Variants in CSMD1 observed in about 807,000 individuals in gnomAD.
CSMD1 encodes the protein CUB and sushi domain-containing protein 1.
Under a neutral mutation model 417.5 loss-of-function variants are expected in CSMD1, and 213 were observed. The observed-to-expected ratio is 0.51, with a 90% confidence interval of 0.46 to 0.57. The LOEUF (loss-of-function observed/expected upper bound fraction) is 0.57, where lower values mean the gene tolerates loss of function less well. Among genes scored for constraint, CSMD1 ranks in the 20% least tolerant of loss-of-function variants. The probability of loss-of-function intolerance (pLI) is 0.00; values close to 1 mark genes in which losing one functional copy is unlikely to be tolerated. For missense variants in CSMD1, 6,923 were observed against 4,529.7 expected, an observed-to-expected ratio of 1.53 and a Z score of -15.17; for synonymous variants, 2,862 against 1,736.8, an observed-to-expected ratio of 1.65 and a Z score of -16.11.
chr8:4,086,144 G>C (rs1800407294), intron 3 of CSMD1, among the ~76,000 whole-genome samples: 1 of 152,032 alleles, frequency 6.6e-6, no homozygotes, highest in Non-Finnish European at 1.5e-5. Flanking sequence ...CATTTAAGTT[G>C]CAATTTTTTT....
chr8:3,475,325 G>A (rs918433011), intron 11 of CSMD1, among the ~76,000 whole-genome samples: 35 of 152,030 alleles, frequency 2.3e-4, no homozygotes, highest in African/African-American at 6.8e-4. Flanking sequence ...TTTATCCCTA[G>A]TCTCTAGTAA....
At chr8:4,501,070 T>C (rs1427641980) in intron 2 of CSMD1, among the ~76,000 whole-genome samples, 1 of 152,002 alleles carries the variant, frequency 6.6e-6, no homozygotes, top group East Asian at 1.9e-4. Flanking sequence ...CCAAAAAAGA[T>C]ATAATAACAA....
At chr8:4,014,227 GA>G (rs1381777908) in intron 4 of CSMD1, among the ~76,000 whole-genome samples, 1 of 152,120 alleles carries the variant, frequency 6.6e-6, no homozygotes, top group East Asian at 1.9e-4. Flanking sequence ...CTTTCCTTAG[GA>G]AAAAAATCTA....
chr8:4,407,244 T>C (rs577758295), intron 3 of CSMD1, among the ~76,000 whole-genome samples: 12 of 152,196 alleles, frequency 7.9e-5, no homozygotes, highest in Non-Finnish European at 1.5e-4. Context: ...AGGATGTCAA[T>C]GGAATGTTTA....
chr8:4,409,880 C>A (rs1157489271), intron 3 of CSMD1, among the ~76,000 whole-genome samples: 3 of 152,016 alleles, frequency 2.0e-5, no homozygotes, highest in African/African-American at 7.2e-5. Flanking sequence ...ATGGTGCAAT[C>A]TTGGCTCACT....
chr8:4,793,297 T>C (rs1197328007), intron 1 of CSMD1, among the ~76,000 whole-genome samples: 1 of 152,140 alleles, frequency 6.6e-6, no homozygotes, highest in Non-Finnish European at 1.5e-5. Flanking sequence ...ATAGAACCTA[T>C]TCTCTCAAAT....
intron 26 of CSMD1, among the ~76,000 whole-genome samples, chr8:3,243,971 C>A (rs1037763897): frequency 1.3e-5 from 2 of 152,068 alleles, no homozygotes; most frequent in Non-Finnish European, 2.9e-5. Flanking sequence ...CATAGAAGTA[C>A]GTTTGCTTAG....
intron 2 of CSMD1, among the ~76,000 whole-genome samples, chr8:4,630,964 CAT>C (rs1394950855): frequency 2.6e-5 from 4 of 152,170 alleles, no homozygotes; most frequent in African/African-American, 4.8e-5. Flanking sequence ...GAAGTCAAAA[CAT>C]GTGTGGTGTT....
chr8:4,265,255 T>G (rs1437694109), intron 3 of CSMD1, among the ~76,000 whole-genome samples: 1 of 152,102 alleles, frequency 6.6e-6, no homozygotes. Flanking sequence ...ATGCTATATT[T>G]TATGGAATAG....
intron 3 of CSMD1, among the ~76,000 whole-genome samples, chr8:4,382,788 G>C (rs754193091): frequency 6.6e-6 from 1 of 152,078 alleles, no homozygotes; most frequent in African/African-American, 2.4e-5. Flanking sequence ...AATAATGATG[G>C]CCCCTCAGTG....
intron 3 of CSMD1, among the ~76,000 whole-genome samples, chr8:4,217,577 G>C (rs898804113): frequency 7.9e-5 from 12 of 151,896 alleles, no homozygotes; most frequent in Admixed American, 5.9e-4. Flanking sequence ...AAAGGTGTGA[G>C]CTTGAAGGGA....
intron 5 of CSMD1, among the ~76,000 whole-genome samples, chr8:3,789,182 G>C (rs921619643): frequency 6.6e-6 from 1 of 152,090 alleles, no homozygotes; most frequent in Non-Finnish European, 1.5e-5. Context: ...CACTATGTGA[G>C]GATCCAACAT....
At chr8:4,140,748 C>G (rs1355475375) in intron 3 of CSMD1, among the ~76,000 whole-genome samples, 1 of 150,882 alleles carries the variant, frequency 6.6e-6, no homozygotes, top group Non-Finnish European at 1.5e-5. Context: ...CTCTAAGTAT[C>G]TTCATCTCCT....
At chr8:4,306,228 A>C (rs894746515) in intron 3 of CSMD1, among the ~76,000 whole-genome samples, 1 of 152,188 alleles carries the variant, frequency 6.6e-6, no homozygotes, top group Non-Finnish European at 1.5e-5. Flanking sequence ...TTCTTCCAAA[A>C]TATCACGACA....
Position 3,272,521 on chromosome 8 carries a change from C to T in CSMD1, c.4153+11623G>A, listed in dbSNP as rs187873804. ...CATTGAATCTGTAAATTACTTTGGG[C>T]AGTATGGCCATTTTCACGATATTGA... On this transcript the variant is annotated intron_variant, in intron 26 of 69. Transcript: ENST00000635120. Among the ~76,000 whole-genome samples, 229 of 141,036 alleles carry T rather than the reference C, an allele frequency of 1.6e-3. 9 individuals carry two copies. The Middle Eastern group carries it at 0.042, about 26-fold the overall frequency. The allele number at this position is 141,036 out of a possible 152,430, so 92.5% of individuals were successfully genotyped here. A position where few individuals can be genotyped will look rare whatever the true frequency, so the allele number is the denominator to read the frequency against.
chr8:4,958,127 T>C (rs964397040), intron 1 of CSMD1, among the ~76,000 whole-genome samples: 4 of 151,534 alleles, frequency 2.6e-5, no homozygotes, highest in African/African-American at 9.8e-5. Context: ...AGGTCTTTCC[T>C]GTCCTTAGAA....
chr8:3,665,051 G>C (rs115119323), intron 7 of CSMD1, among the ~76,000 whole-genome samples: 1 of 151,892 alleles, frequency 6.6e-6, no homozygotes, highest in African/African-American at 2.4e-5. Flanking sequence ...CAATTTCTCT[G>C]ATGTTTCCAT....
chr8:3,973,593 G>C (rs75119832), intron 5 of CSMD1, among the ~76,000 whole-genome samples: 463 of 152,240 alleles, frequency 3.0e-3, no homozygotes, highest in African/African-American at 0.011. Flanking sequence ...AAGGAAAAAA[G>C]GGAAAGAGAA....
At chr8:3,565,449 T>A (rs894237987) in intron 10 of CSMD1, among the ~76,000 whole-genome samples, 3 of 152,212 alleles carry the variant, frequency 2.0e-5, no homozygotes, top group African/African-American at 4.8e-5. Flanking sequence ...CACCAATCCG[T>A]GAATCGCCTC....
Sources: gnomAD v4.1 joint callset for allele counts (sites outside exome capture counted in the v4.1 genomes callset) on GRCh38, gnomAD v4.1.1 for gene constraint, MANE v1.5 for transcripts, NCBI Gene and HGNC (gene_info 2026-07-23, HGNC 2026-07-21) for gene names.